The following ZNF551 variants were observed in gnomAD, a reference collection of about 807,000 sequenced individuals.
The protein encoded by ZNF551 is zinc finger protein 551, also known as KOX 23 protein (56 AA).
In ZNF551, 5 loss-of-function variants were observed where a neutral mutation model predicts 7.9. The observed-to-expected ratio is 0.63, with a 90% CI of 0.33 to 1.33. ZNF551 has a LOEUF of 1.33. Among genes scored for constraint, ZNF551 ranks in the 40% most tolerant of loss-of-function variants. The probability of loss-of-function intolerance (pLI) is 0.05; values close to 1 mark genes in which losing one functional copy is unlikely to be tolerated. For missense variants in ZNF551, 788 were observed against 825.2 expected (o/e 0.95, Z 0.55); for synonymous variants, 287 against 277.3 (o/e 1.03, Z -0.35).
At chr19:57,683,168 C>T (rs1984445387) in intron 1 of ZNF551, among the ~76,000 whole-genome samples, 1 of 152,124 alleles carries the variant, frequency 6.6e-6, no homozygotes, top group Non-Finnish European at 1.5e-5. Flanking sequence ...GGGAAGCCAA[C>T]TGAAGGATGA....
chr19:57,682,495 C>T (rs1984419000), intron 1 of ZNF551, among the ~76,000 whole-genome samples: 1 of 152,134 alleles, frequency 6.6e-6, no homozygotes, highest in African/African-American at 2.4e-5. Flanking sequence ...CTCGGGTCTG[C>T]AGGAACATAG....
Position 57,682,067 on chromosome 19 carries a change from G to C in ZNF551, c.-97G>C, listed in dbSNP as rs540596759. 1 of 1,321,174 alleles carries C rather than the reference G, an allele frequency of 7.6e-7. No individual in the cohort carries two copies. Among genetic ancestry groups the C allele is most frequent in the African/African-American group, 1.5e-5 (1 of 68,584 alleles). The allele number at this position is 1,321,174 out of a possible 1,614,324, so 81.8% of individuals were successfully genotyped here. A position where few individuals can be genotyped will look rare whatever the true frequency, so the allele number is the denominator to read the frequency against. On this transcript the variant is annotated 5_prime_UTR_variant, in exon 1 of 3. Coordinates refer to ENST00000282296, the MANE Select transcript of ZNF551 (RefSeq NM_138347.5). ...TTTCTGCAGTGGAGGTCGCGACTGA[G>C]GGACGGGACAGAGAAGTCGCGAAAG...
In ZNF551 at chr19:57,682,015, C is replaced by G. The variant is rs931762831; in HGVS notation, c.-149C>G. ...TCCTCCTCGTGGCGGTCATTTTGGC[C>G]TCTGTCCTGTTTGTCCAGCCCGCCA... On this transcript the variant is annotated 5_prime_UTR_variant, in exon 1 of 3. Transcript: ENST00000282296. The G allele has an allele frequency of 3.7e-6, 3 of 815,918 alleles. No homozygotes were observed. Among genetic ancestry groups the G allele is most frequent in the African/African-American group, 1.7e-5 (1 of 58,008 alleles). The allele number at this position is 815,918 out of a possible 1,614,324, so 50.5% of individuals were successfully genotyped here.
chr19:57,686,551 T>G lies in ZNF551; in HGVS notation c.276T>G (p.Ser92=). 1.2e-6 allele frequency: 2 copies of G among 1,614,216 alleles called. No homozygotes were observed. Among genetic ancestry groups the G allele is most frequent in the Non-Finnish European group, 1.7e-6 (2 of 1,180,044 alleles). ...GTGTATCTATACAGGTCAGGACTTC[T>G]AAGGGCAATACACCCACCCAGAAAA... The part of the protein sequence containing the change: ...EQSVSIQVRT[S]KGNTPTQKTH... Residue 92 remains serine, a synonymous_variant, in exon 3 of 3, where the codon TCT becomes TCG. Coordinates refer to ENST00000282296, the MANE Select transcript of ZNF551 (RefSeq NM_138347.5).
rs140780163 is a variant in ZNF551 at position 57,687,697 on chromosome 19, T to C, written c.1422T>C (p.Pro474=). 6.2e-7 allele frequency: 1 copy of C among 1,614,022 alleles called. No homozygotes were observed. Among genetic ancestry groups the C allele is most frequent in the Non-Finnish European group, 8.5e-7 (1 of 1,180,034 alleles). Residue 474 remains proline, a synonymous_variant, in exon 3 of 3, where the codon CCT becomes CCC. Coordinates refer to ENST00000282296, the MANE Select transcript of ZNF551 (RefSeq NM_138347.5). The part of the protein sequence containing the change: ...RHRSIHTGDR[P]YECSECEKSF... The stretch of plus-strand genomic sequence containing the variant: ...GCAGCATTCACACTGGTGATAGGCC[T>C]TATGAGTGCAGTGAATGTGAGAAAT...
Position 57,686,832 on chromosome 19 carries a change from C to CCTTCCCAGCCCCCACGG in ZNF551, c.558_574dup (p.Asp192AlafsTer109). ...TTGAATTATTTCACCTGTGGGGAGG[C>CCTTCCCAGCCCCCACGG]CTTCCCAGCCCCCACGGACCTACTC... On this transcript the variant is annotated frameshift_variant, in exon 3 of 3. Coordinates refer to ENST00000282296, the MANE Select transcript of ZNF551 (RefSeq NM_138347.5). LOFTEE classifies it low-confidence loss of function (END_TRUNC). 1 of 1,614,182 alleles carries CCTTCCCAGCCCCCACGG rather than the reference C, an allele frequency of 6.2e-7. No individual in the cohort carries two copies.
At chr19:57,682,810 T>C (rs1353532110) in intron 1 of ZNF551, among the ~76,000 whole-genome samples, 1 of 152,140 alleles carries the variant, frequency 6.6e-6, no homozygotes, top group African/African-American at 2.4e-5. Context: ...TCGCCACTCG[T>C]CTAGCCTTGG....
chr19:57,684,719 CAT>C (rs549972591), intron 1 of ZNF551, among the ~76,000 whole-genome samples: 148 of 152,204 alleles, frequency 9.7e-4, no homozygotes, highest in African/African-American at 2.7e-3. Flanking sequence ...GAGAGATACT[CAT>C]AATGGAATGA....
intron 1 of ZNF551, among the ~76,000 whole-genome samples, chr19:57,682,488 G>C (rs1017088624): frequency 2.6e-5 from 4 of 152,172 alleles, no homozygotes; most frequent in African/African-American, 9.7e-5. Flanking sequence ...GGTCCGTCTC[G>C]GGTCTGCAGG....
In ZNF551 at chr19:57,688,586, T is replaced by C; in HGVS notation, c.*298T>C. ...CCCACAGTGCTCAGAGAAGCAAACC[T>C]CTGTACTCTCCCATTTGCTTGGGGA... is the stretch of plus-strand genomic sequence containing the variant. On this transcript the variant is annotated 3_prime_UTR_variant, in exon 3 of 3. Transcript: ENST00000282296. 1 of 381,196 alleles carries C rather than the reference T, an allele frequency of 2.6e-6. No individual in the cohort carries two copies. 23.6% of individuals were successfully genotyped at this position (381,196 alleles called of 1,614,324 possible).
Position 57,688,537 on chromosome 19 carries a change from C to T in ZNF551, c.*249C>T. 1 of 547,564 alleles carries T rather than the reference C, an allele frequency of 1.8e-6. No individual in the cohort carries two copies. The highest frequency in any genetic ancestry group is 3.2e-6 in the Non-Finnish European group (1 of 309,712). The allele number at this position is 547,564 out of a possible 1,614,324, so 33.9% of individuals were successfully genotyped here. A position where few individuals can be genotyped will look rare whatever the true frequency, so the allele number is the denominator to read the frequency against. ...TTTCACCCCTACCACCTGGCAGGTG[C>T]ACACCATGTGCATGAGTCACTTCCC... On this transcript the variant is annotated 3_prime_UTR_variant, in exon 3 of 3. Coordinates refer to ENST00000282296, the MANE Select transcript of ZNF551 (RefSeq NM_138347.5).
Position 57,686,846 on chromosome 19 carries a change from A to G in ZNF551, c.571A>G (p.Thr191Ala). ...CTGTGGGGAGGCCTTCCCAGCCCCC[A>G]CGGACCTACTCCAACACGAAGCCAC... ...FTCGEAFPAP[T>A]DLLQHEATPS... is the part of the protein sequence containing the mutation. The change falls in exon 3 of 3, where the codon ACG (threonine) becomes GCG (alanine). Residue 191 changes from threonine to alanine, a missense_variant. Transcript: ENST00000282296. 6.2e-7 allele frequency: 1 copy of G among 1,614,182 alleles called. No homozygotes were observed. The highest frequency in any genetic ancestry group is 2.2e-5 in the East Asian group (1 of 44,882).
rs1984719798 is a variant in ZNF551, at chr19:57,690,284, T to A, written c.*1996T>A. The stretch of plus-strand genomic sequence containing the variant: ...ATATTTACCTTGTATCTTTTTATAA[T>A]CTTTCTCCCTTCCCCAGCTCTTCAG... On this transcript the variant is annotated 3_prime_UTR_variant, in exon 3 of 3. Coordinates refer to ENST00000282296, the MANE Select transcript of ZNF551 (RefSeq NM_138347.5). The A allele has an allele frequency of 6.6e-6, 1 of 152,116 alleles. No homozygotes were observed. The highest frequency in any genetic ancestry group is 1.5e-5 in the Non-Finnish European group (1 of 68,040). The allele number at this position is 152,116 out of a possible 1,614,324, so 9.4% of individuals were successfully genotyped here.
At chr19:57,685,636 A>G (rs780807847) in intron 2 of ZNF551, among the ~76,000 whole-genome samples, 15 of 152,150 alleles carry the variant, frequency 9.9e-5, no homozygotes, top group Non-Finnish European at 1.8e-4. Context: ...TGAACTATGG[A>G]GCTCTTTTTA....
rs1467417632 is a variant in ZNF551 at position 57,682,233 on chromosome 19, G to C, written c.70G>C (p.Asp24His). ...CTCAATGGCGGCAGTCGCGCTGAGG[G>C]ACTCGGCTCAGGTGAGTTGTGCGTC... ...RSSMAAVALR[D>H]SAQGMTFEDV... The change falls in exon 1 of 3, where the codon GAC (aspartate) becomes CAC (histidine). Residue 24 changes from aspartate to histidine, a missense_variant. Coordinates refer to ENST00000282296, the MANE Select transcript of ZNF551 (RefSeq NM_138347.5). 2 of 1,550,540 alleles carry C rather than the reference G, an allele frequency of 1.3e-6. No homozygotes were observed. The highest frequency in any genetic ancestry group is 1.7e-6 in the Non-Finnish European group (2 of 1,146,960).
intron 2 of ZNF551, among the ~76,000 whole-genome samples, chr19:57,685,774 TCA>T (rs1206099940): frequency 3.3e-5 from 5 of 152,026 alleles, no homozygotes; most frequent in African/African-American, 1.2e-4. Flanking sequence ...CCTAGTTGCT[TCA>T]CAGAGTGAAC....
Position 57,682,261 on chromosome 19 carries a change from C to T in ZNF551, c.81+17C>T. On this transcript the variant is annotated intron_variant, in intron 1 of 2. Coordinates refer to ENST00000282296, the MANE Select transcript of ZNF551 (RefSeq NM_138347.5). ...TCGGCTCAGGTGAGTTGTGCGTCCT[C>T]CGGGTCTCGCCTACCTCCCCCAGCA... 1 of 1,548,900 alleles carries T rather than the reference C, an allele frequency of 6.5e-7. No homozygotes were observed. Among genetic ancestry groups the T allele is most frequent in the Non-Finnish European group, 8.7e-7 (1 of 1,145,896 alleles).
At position 57,686,691 on chromosome 19, in the gene ZNF551, G is replaced by C; in HGVS notation, c.416G>C (p.Arg139Thr). ...TCATACTTGGGTAGCACAAGCATGA[G>C]AGGCTTCTGCTTCAGTGCTGACCTT... ...QKSYLGSTSM[R>T]GFCFSADLHQ... The change falls in exon 3 of 3, where the codon AGA (arginine) becomes ACA (threonine). Residue 139 changes from arginine (R) to threonine (T), a missense_variant. Coordinates refer to ENST00000282296, the MANE Select transcript of ZNF551 (RefSeq NM_138347.5). 6.2e-7 allele frequency: 1 copy of C among 1,614,232 alleles called. No homozygotes were observed. Among genetic ancestry groups the C allele is most frequent in the Non-Finnish European group, 8.5e-7 (1 of 1,180,046 alleles).
Position 57,687,322 on chromosome 19 carries a change from C to T in ZNF551, c.1047C>T (p.Asn349=), listed in dbSNP as rs763214500. 1 of 1,614,188 alleles carries T rather than the reference C, an allele frequency of 6.2e-7. No homozygotes were observed. Among genetic ancestry groups the T allele is most frequent in the Non-Finnish European group, 8.5e-7 (1 of 1,180,038 alleles). ...ECRKTFSYKS[N]LIEHQRVHTG... ...GGAAAACCTTTAGCTACAAATCTAACCTCATTGAACACCAGAGAGTTCACA... is the reference window on the plus strand; with the variant it reads ...GGAAAACCTTTAGCTACAAATCTAATCTCATTGAACACCAGAGAGTTCACA... Residue 349 remains asparagine, a synonymous_variant, in exon 3 of 3, where the codon AAC becomes AAT. Transcript: ENST00000282296.
Sources: allele counts gnomAD v4.1 joint callset (sites outside exome capture counted in the v4.1 genomes callset), GRCh38; gene constraint gnomAD v4.1.1; transcripts MANE v1.5; gene names NCBI Gene and HGNC (gene_info 2026-07-23, HGNC 2026-07-21).